Variants in DCLK2 observed in about 807,000 individuals in gnomAD.
DCLK2 encodes the protein serine/threonine-protein kinase DCLK2.
Under a neutral mutation model 78.4 loss-of-function variants are expected in DCLK2, and 31 were observed. The observed-to-expected ratio is 0.40, with a 90% CI of 0.30 to 0.53. The LOEUF (loss-of-function observed/expected upper bound fraction) is 0.53. Ranked by LOEUF, DCLK2 falls within the 20% of genes least tolerant of loss-of-function variation. The pLI, the probability that DCLK2 is intolerant of heterozygous loss-of-function variation, is 0.61. For synonymous variants in DCLK2, 407 were observed against 374.9 expected (o/e 1.09, Z -0.99); for missense variants, 872 against 973.7 (o/e 0.90, Z 1.39).
chr4:150,139,731 A>G (rs1468680182), intron 2 of DCLK2, among the ~76,000 whole-genome samples: 2 of 152,198 alleles, frequency 1.3e-5, no homozygotes, highest in East Asian at 3.8e-4. Flanking sequence ...GCAGTTGACT[A>G]TTGCCAGGAA....
intron 10 of DCLK2, among the ~76,000 whole-genome samples, chr4:150,236,160 T>C (rs555226306): frequency 5.3e-5 from 8 of 152,348 alleles, no homozygotes; most frequent in African/African-American, 1.7e-4. Context: ...TTTTGCATTC[T>C]GAGAGCAACT....
chr4:150,095,474 G>A (rs1202622159), intron 1 of DCLK2, among the ~76,000 whole-genome samples: 1 of 152,122 alleles, frequency 6.6e-6, no homozygotes, highest in African/African-American at 2.4e-5. Flanking sequence ...ATTTTCATTA[G>A]TATGTAGTAG....
chr4:150,210,896 G>A (rs1003660526), intron 5 of DCLK2, among the ~76,000 whole-genome samples: 4 of 149,690 alleles, frequency 2.7e-5, no homozygotes, highest in Admixed American at 1.3e-4. Flanking sequence ...TGCAGTGAGC[G>A]GAGATTGCGC....
In DCLK2 at chr4:150,240,484, G is replaced by A; in HGVS notation, c.1778+8G>A. The A allele has an allele frequency of 6.2e-7, 1 of 1,608,176 alleles. No homozygotes were observed. Among genetic ancestry groups the A allele is most frequent in the Non-Finnish European group, 8.5e-7 (1 of 1,176,130 alleles). The stretch of plus-strand genomic sequence containing the variant: ...ATTCCCACCATTCCGAAGGTAGGCG[G>A]CCTTTTGGGCGACGTATTTGAATTG... On this transcript the variant is annotated splice_region_variant and intron_variant, in intron 12 of 15. Transcript: ENST00000296550.
Position 150,078,980 on chromosome 4 carries a change from T to C in DCLK2, c.-48T>C, listed in dbSNP as rs746802575. ...CGTCCCTGCACCGGCGCTCGCACCC[T>C]TAGTCGGCCCGGAACGTCTTTTTGC... On this transcript the variant is annotated 5_prime_UTR_variant, in exon 1 of 16. Coordinates refer to ENST00000296550, the MANE Select transcript of DCLK2 (RefSeq NM_001040260.4). 1 of 1,496,232 alleles carries C rather than the reference T, an allele frequency of 6.7e-7. No homozygotes were observed. Among genetic ancestry groups the C allele is most frequent in the South Asian group, 1.4e-5 (1 of 72,062 alleles). The allele number at this position is 1,496,232 out of a possible 1,614,324, so 92.7% of individuals were successfully genotyped here.
intron 2 of DCLK2, among the ~76,000 whole-genome samples, chr4:150,183,718 G>C (rs1331473756): frequency 6.6e-6 from 1 of 151,506 alleles, no homozygotes; most frequent in Non-Finnish European, 1.5e-5. Context: ...CATTTCTTTT[G>C]ATTTCTTTTT....
chr4:150,197,778 G>T (rs138797262), intron 3 of DCLK2, among the ~76,000 whole-genome samples: 1 of 147,784 alleles, frequency 6.8e-6, no homozygotes, highest in Non-Finnish European at 1.5e-5. Flanking sequence ...TGGGAAACGG[G>T]AACAAAACTC....
chr4:150,132,308 G>T (rs564815183), intron 2 of DCLK2, among the ~76,000 whole-genome samples: 2 of 152,196 alleles, frequency 1.3e-5, no homozygotes, highest in African/African-American at 2.4e-5. Context: ...GTGCTGGATT[G>T]TATGCCACAA....
intron 1 of DCLK2, among the ~76,000 whole-genome samples, chr4:150,080,406 G>A (rs1729171465): frequency 6.6e-6 from 1 of 152,148 alleles, no homozygotes; most frequent in Non-Finnish European, 1.5e-5. Context: ...GGTAGAAAAG[G>A]CATTATCAGT....
Position 150,232,398 on chromosome 4 carries a change from T to C in DCLK2, c.1361T>C (p.Met454Thr). Residue 454 changes from methionine (M) to threonine (T), a missense_variant, in exon 9 of 16, where the codon ATG becomes ACG. Coordinates refer to ENST00000296550, the MANE Select transcript of DCLK2 (RefSeq NM_001040260.4). Reference sequence around the variant, plus strand: ...CGAGTGAAACATCCCAATATCATTATGCTGGTCGAGGAGATGGAAACAGCA... The same window carrying C: ...CGAGTGAAACATCCCAATATCATTACGCTGGTCGAGGAGATGGAAACAGCA... ...LRRVKHPNII[M>T]LVEEMETATE... 1.2e-6 allele frequency: 2 copies of C among 1,614,204 alleles called. No homozygotes were observed. The highest frequency in any genetic ancestry group is 8.5e-7 in the Non-Finnish European group (1 of 1,180,022).
intron 2 of DCLK2, among the ~76,000 whole-genome samples, chr4:150,192,053 A>G (rs977282642): frequency 6.6e-6 from 1 of 152,222 alleles, no homozygotes; most frequent in African/African-American, 2.4e-5. Context: ...AAGCCTATCT[A>G]TGTTCAAAGT....
At chr4:150,130,821 C>T (rs1580560394) in intron 2 of DCLK2, among the ~76,000 whole-genome samples, 3 of 151,986 alleles carry the variant, frequency 2.0e-5, no homozygotes, top group African/African-American at 7.3e-5. Flanking sequence ...TAACCTTGGA[C>T]CACCGAAACT....
intron 10 of DCLK2, among the ~76,000 whole-genome samples, chr4:150,237,391 C>CA (rs1326588258): frequency 2.0e-5 from 3 of 152,230 alleles, no homozygotes; most frequent in African/African-American, 7.2e-5. Context: ...TGGGCTGACT[C>CA]AGAGTTGTAA....
intron 2 of DCLK2, among the ~76,000 whole-genome samples, chr4:150,111,822 G>T (rs1359879380): frequency 1.3e-5 from 2 of 152,056 alleles, no homozygotes; most frequent in Non-Finnish European, 2.9e-5. Context: ...CTGTTGTGTT[G>T]ATCTATGTTT....
intron 8 of DCLK2, among the ~76,000 whole-genome samples, chr4:150,231,178 G>A (rs1242718544): frequency 6.6e-6 from 1 of 152,228 alleles, no homozygotes; most frequent in Non-Finnish European, 1.5e-5. Context: ...TCAACCTCCA[G>A]TGACTGTTTC....
In DCLK2 at chr4:150,195,381, ATATATATATTATATAATATTATATAT is replaced by A. The variant is rs1560857775; in HGVS notation, c.859+2177_859+2202del. On this transcript the variant is annotated intron_variant, in intron 3 of 15. Transcript: ENST00000296550. The stretch of plus-strand genomic sequence containing the variant: ...TATATATATTATATAATATTATATA[ATATATATATTATATAATATTATATAT>A]TATATATATTATATAATATTATATA... Among the ~76,000 whole-genome samples, 13 of 2,260 alleles carry A rather than the reference ATATATATATTATATAATATTATATAT, an allele frequency of 5.8e-3. 4 individuals carry two copies. In the East Asian group the frequency reaches 0.061, roughly 11 times the overall value. 1.5% of individuals were successfully genotyped at this position (2,260 alleles called of 152,430 possible).
intron 12 of DCLK2, 67 bp from the exon 13 acceptor site, chr4:150,247,536 T>C (rs973995058): frequency 4.9e-6 from 7 of 1,418,280 alleles, no homozygotes; most frequent in East Asian, 2.3e-5. Context: ...GCTCTTCCTG[T>C]GGACATTTTG....
intron 4 of DCLK2, among the ~76,000 whole-genome samples, chr4:150,202,703 CA>C (rs1739545751): frequency 6.6e-6 from 1 of 152,106 alleles, no homozygotes; most frequent in Admixed American, 6.5e-5. Context: ...AGCAAATGAG[CA>C]TCTCTTTTCT....
intron 2 of DCLK2, among the ~76,000 whole-genome samples, chr4:150,173,547 C>CAAG (rs1736711664): frequency 9.9e-5 from 15 of 152,206 alleles, no homozygotes; most frequent in Admixed American, 9.8e-4. Flanking sequence ...GTGCCCTCTT[C>CAAG]ACCTCCTTTG....
Sources: gnomAD v4.1 joint callset for allele counts (sites outside exome capture counted in the v4.1 genomes callset) on GRCh38, gnomAD v4.1.1 for gene constraint, MANE v1.5 for transcripts, NCBI Gene and HGNC (gene_info 2026-07-23, HGNC 2026-07-21) for gene names.